Variants in SLC24A2 observed in about 807,000 individuals in gnomAD.
SLC24A2 encodes solute carrier family 24 member 2, also known as sodium/potassium/calcium exchanger 2.
SLC24A2 carries 36 observed loss-of-function variants against 62.0 expected under a neutral mutation model. That is an observed-to-expected ratio of 0.58 (90% CI 0.44 to 0.77). SLC24A2 has a LOEUF of 0.77. Among genes scored for constraint, SLC24A2 ranks in the 30% least tolerant of loss-of-function variants. SLC24A2 has a pLI of 0.00. For synonymous variants in SLC24A2, 358 were observed against 294.0 expected (o/e 1.22, Z -2.23); for missense variants, 846 against 817.9 (o/e 1.03, Z -0.42).
chr9:20,070,699 T>C, the SLC24A2 span, among the ~76,000 whole-genome samples: 1 of 152,208 alleles, frequency 6.6e-6, no homozygotes, highest in African/African-American at 2.4e-5. Flanking sequence ...AACCTAAGAA[T>C]AGACCCTCAG....
the SLC24A2 span, among the ~76,000 whole-genome samples, chr9:20,103,049 C>G: frequency 6.6e-6 from 1 of 152,202 alleles, no homozygotes; most frequent in Non-Finnish European, 1.5e-5. Flanking sequence ...GATTATATCC[C>G]ACGCCTGGCT....
At chr9:19,926,749 G>A in the SLC24A2 span, 1 of 152,338 alleles carries the variant, frequency 6.6e-6, no homozygotes, top group Non-Finnish European at 1.5e-5. Context: ...GCCATTTGCT[G>A]TATGCACCCG....
chr9:20,182,632 T>C, the SLC24A2 span, among the ~76,000 whole-genome samples: 41,666 of 151,994 alleles, frequency 0.27, 5,952 homozygotes, highest in African/African-American at 0.29. Flanking sequence ...CCAGGGCCTG[T>C]CGGGGCGGGG....
At position 19,515,969 on chromosome 9, in the gene SLC24A2, G is replaced by T. The variant is rs1016798036; in HGVS notation, c.*184C>A. ...TACATGAAGTCATTTCAGTAGGCAGGGTGGAAGCAGCCTGTGAAGTGAATG... is the reference window on the plus strand; with the variant it reads ...TACATGAAGTCATTTCAGTAGGCAGTGTGGAAGCAGCCTGTGAAGTGAATG... On this transcript the variant is annotated 3_prime_UTR_variant, in exon 11 of 11. Transcript: ENST00000341998. The T allele has an allele frequency of 1.1e-5, 8 of 744,546 alleles. No individual in the cohort carries two copies. The highest frequency in any genetic ancestry group is 4.5e-5 in the South Asian group (3 of 66,126). 46.1% of individuals were successfully genotyped at this position (744,546 alleles called of 1,614,324 possible). A position where few individuals can be genotyped will look rare whatever the true frequency, so the allele number is the denominator to read the frequency against.
rs192410372 is a variant in SLC24A2, at chr9:19,541,865, G to C, written c.1479+8272C>G. On this transcript the variant is annotated intron_variant, in intron 8 of 10. Transcript: ENST00000341998. ...GTGCTAGCAATCAGCGAGATTCCGT[G>C]GGCGTAGGACCCTCTGAGCCAGGTG... is the stretch of plus-strand genomic sequence containing the variant. Among the ~76,000 whole-genome samples, 709 of 152,020 alleles carry C rather than the reference G, an allele frequency of 4.7e-3. 5 individuals carry two copies. Among genetic ancestry groups the C allele is most frequent in the Middle Eastern group, 0.017 (5 of 294 alleles).
Position 19,566,133 on chromosome 9 carries a change from G to A in SLC24A2, c.1347+7218C>T, listed in dbSNP as rs919791305. On this transcript the variant is annotated intron_variant, in intron 7 of 10. Transcript: ENST00000341998. The stretch of plus-strand genomic sequence containing the variant: ...GACAAATGGAATCGAATTAAACTAA[G>A]GAGCTTCTGCACAGCAAAAGAAACT... Among the ~76,000 whole-genome samples the A allele has an allele frequency of 1.1e-4, 16 of 152,002 alleles. 1 individual carries two copies. The highest frequency in any genetic ancestry group is 8.5e-4 in the Admixed American group (13 of 15,272).
upstream of SLC24A2, chr9:19,789,053 C>A: frequency 1.5e-6 from 1 of 675,364 alleles, no homozygotes; most frequent in Non-Finnish European, 1.8e-6. Context: ...GCTGTGAGCC[C>A]GGCGCTCCGA....
the SLC24A2 span, among the ~76,000 whole-genome samples, chr9:20,194,494 T>A: frequency 6.6e-6 from 1 of 152,160 alleles, no homozygotes; most frequent in African/African-American, 2.4e-5. Context: ...TTGGTTACTT[T>A]TCTTTGATTT....
the SLC24A2 span, among the ~76,000 whole-genome samples, chr9:20,204,932 A>G: frequency 6.6e-6 from 1 of 151,940 alleles, no homozygotes; most frequent in African/African-American, 2.4e-5. Context: ...TTTTTAGTAC[A>G]GACGGGGTTT....
rs1589114475 is a variant in SLC24A2, at chr9:19,515,749, A to G, written c.*404T>C. 1.3e-5 allele frequency: 3 copies of G among 234,340 alleles called. No individual in the cohort carries two copies. Among genetic ancestry groups the G allele is most frequent in the East Asian group, 1.8e-4 (2 of 10,938 alleles). The allele number at this position is 234,340 out of a possible 1,614,324, so 14.5% of individuals were successfully genotyped here. ...TTTATTTACAGGTATGTACTAATCT[A>G]TAGGTATGCAAGGAGAGGTATAGTA... On this transcript the variant is annotated 3_prime_UTR_variant, in exon 11 of 11. Transcript: ENST00000341998.
At chr9:19,664,027 T>C (rs1319512041) in intron 2 of SLC24A2, among the ~76,000 whole-genome samples, 1 of 152,222 alleles carries the variant, frequency 6.6e-6, no homozygotes, top group African/African-American at 2.4e-5. Context: ...TGCCTCGCCT[T>C]GAAATGGTCA....
intron 2 of SLC24A2, among the ~76,000 whole-genome samples, chr9:19,626,259 A>C (rs1305219058): frequency 6.6e-6 from 1 of 152,176 alleles, no homozygotes; most frequent in Non-Finnish European, 1.5e-5. Context: ...ACACACATAA[A>C]AATTAGGCCA....
At chr9:20,208,804 G>C in the SLC24A2 span, among the ~76,000 whole-genome samples, 1 of 152,216 alleles carries the variant, frequency 6.6e-6, no homozygotes, top group East Asian at 1.9e-4. Context: ...CTGGAGCTGG[G>C]ACCTACTCCT....
chr9:19,789,556 G>C (rs1293316279), upstream of SLC24A2, among the ~76,000 whole-genome samples: 3 of 152,164 alleles, frequency 2.0e-5, no homozygotes, highest in Non-Finnish European at 4.4e-5. Flanking sequence ...TCATTTCATG[G>C]GTGATGAAAG....
the SLC24A2 span, among the ~76,000 whole-genome samples, chr9:19,883,782 G>A: frequency 2.0e-5 from 3 of 152,092 alleles, no homozygotes; most frequent in East Asian, 1.9e-4. Flanking sequence ...AGCCAGGATG[G>A]TCTTGATCTC....
chr9:19,684,160 C>T (rs971339252), intron 2 of SLC24A2, among the ~76,000 whole-genome samples: 1 of 151,972 alleles, frequency 6.6e-6, no homozygotes, highest in Non-Finnish European at 1.5e-5. Flanking sequence ...TAAGCTCCAA[C>T]TTTTTTTTAC....
the SLC24A2 span, among the ~76,000 whole-genome samples, chr9:20,164,877 C>G: frequency 3.3e-5 from 5 of 150,708 alleles, no homozygotes; most frequent in African/African-American, 1.2e-4. Flanking sequence ...AGTAAACTAT[C>G]GCAAGAACAA....
intron 4 of SLC24A2, among the ~76,000 whole-genome samples, chr9:19,606,072 G>T (rs1270029669): frequency 6.6e-6 from 1 of 152,184 alleles, no homozygotes; most frequent in Non-Finnish European, 1.5e-5. Context: ...CCTAGAATCA[G>T]GTCTTCATGG....
At chr9:19,844,696 A>G in the SLC24A2 span, among the ~76,000 whole-genome samples, 1 of 152,102 alleles carries the variant, frequency 6.6e-6, no homozygotes, top group Non-Finnish European at 1.5e-5. Flanking sequence ...ATTTTTTTAT[A>G]TGGTGAAAGG....
Sources: gnomAD v4.1 joint callset for allele counts (sites outside exome capture counted in the v4.1 genomes callset) on GRCh38, gnomAD v4.1.1 for gene constraint, MANE v1.5 for transcripts, NCBI Gene and HGNC (gene_info 2026-07-23, HGNC 2026-07-21) for gene names.